NRG1: variants seen among roughly 807,000 people sequenced by gnomAD.
NRG1 encodes pro-neuregulin-1, membrane-bound isoform.
NRG1 carries 18 observed loss-of-function variants against 63.8 expected under a neutral mutation model. The observed-to-expected ratio is 0.28, with a 90% CI of 0.19 to 0.42. The LOEUF (loss-of-function observed/expected upper bound fraction) is 0.42, where lower values mean the gene tolerates loss of function less well. Ranked by LOEUF, NRG1 falls within the 10% of genes least tolerant of loss-of-function variation. The pLI, the probability that NRG1 is intolerant of heterozygous loss-of-function variation, is 1.00. For synonymous variants in NRG1, 302 were observed against 301.3 expected (o/e 1.00, Z -0.02); for missense variants, 762 against 814.7 (o/e 0.94, Z 0.79).
rs1337970936 is a variant in NRG1, at chr8:32,233,573, T to A, written c.38-362255T>A. ...TATATATATATATATATTTTTTTTT[T>A]TTTTTCTTTTGAAACGGTGTCTCAC... On this transcript the variant is annotated intron_variant, in intron 1 of 10. Transcript: ENST00000519301. Among the ~76,000 whole-genome samples, 141 of 128,916 alleles carry A rather than the reference T, an allele frequency of 1.1e-3. 1 individual carries two copies. Among genetic ancestry groups the A allele is most frequent in the African/African-American group, 3.7e-3 (129 of 34,496 alleles). The allele number at this position is 128,916 out of a possible 152,430, so 84.6% of individuals were successfully genotyped here.
chr8:32,760,684 G>C, intron 11 of NRG1: 7 of 1,228,294 alleles, frequency 5.7e-6, no homozygotes, highest in Non-Finnish European at 6.2e-6. Context: ...TTCCAGCTCT[G>C]GCCATGGGCT....
intron 1 of NRG1, among the ~76,000 whole-genome samples, chr8:32,344,602 A>ATTTTTTTTTTTTTT (rs61448713): frequency 1.1e-4 from 11 of 101,162 alleles, no homozygotes; most frequent in African/African-American, 1.3e-4. Flanking sequence ...ACACTCAGCT[A>ATTTTTTTTTTTTTT]TTTTTTTTTT....
At chr8:31,639,940 G>T in intron 1 of NRG1, 3 of 1,121,854 alleles carry the variant, frequency 2.7e-6, no homozygotes, top group African/African-American at 1.7e-5. Context: ...AGAGAGCCGG[G>T]CAGAGTCCGA....
chr8:32,151,752 G>A (rs779529137), intron 1 of NRG1, among the ~76,000 whole-genome samples: 6 of 152,180 alleles, frequency 3.9e-5, no homozygotes, highest in Non-Finnish European at 8.8e-5. Flanking sequence ...CAGATCTAGA[G>A]CCAAGCTGTA....
chr8:32,134,396 T>C (rs1411781112), intron 1 of NRG1, among the ~76,000 whole-genome samples: 2 of 152,142 alleles, frequency 1.3e-5, no homozygotes, highest in Non-Finnish European at 2.9e-5. Flanking sequence ...GGCCTCCAGA[T>C]GGCCAGATAC....
chr8:31,949,794 C>A (rs1375227460), intron 1 of NRG1, among the ~76,000 whole-genome samples: 1 of 152,104 alleles, frequency 6.6e-6, no homozygotes, highest in Non-Finnish European at 1.5e-5. Context: ...CATAAAATAC[C>A]CTGGATATCT....
chr8:32,316,626 G>T (rs554183332), intron 1 of NRG1, among the ~76,000 whole-genome samples: 13 of 152,042 alleles, frequency 8.6e-5, no homozygotes, highest in Non-Finnish European at 1.6e-4. Flanking sequence ...ACAGGTTATT[G>T]TTTATAAGAG....
intron 1 of NRG1, among the ~76,000 whole-genome samples, chr8:32,080,648 A>C (rs1305371229): frequency 6.6e-6 from 1 of 152,112 alleles, no homozygotes; most frequent in African/African-American, 2.4e-5. Flanking sequence ...CTGTAGCGGC[A>C]AAGTTCTGAG....
At chr8:32,276,700 C>G (rs1725426984) in intron 1 of NRG1, among the ~76,000 whole-genome samples, 1 of 152,112 alleles carries the variant, frequency 6.6e-6, no homozygotes, top group Admixed American at 6.6e-5. Flanking sequence ...GGAAGGTTCT[C>G]CCTGTGTTGA....
At chr8:31,766,854 T>C (rs1015276061) in intron 1 of NRG1, among the ~76,000 whole-genome samples, 11 of 152,200 alleles carry the variant, frequency 7.2e-5, no homozygotes, top group African/African-American at 2.7e-4. Flanking sequence ...ATCTTGCTCC[T>C]TGGAGCAGAA....
intron 1 of NRG1, among the ~76,000 whole-genome samples, chr8:32,592,104 G>A (rs1220524963): frequency 1.5e-5 from 2 of 135,890 alleles, no homozygotes; most frequent in East Asian, 2.0e-4. Context: ...CAAGGCTCCC[G>A]GTTTTTTTTT....
intron 1 of NRG1, among the ~76,000 whole-genome samples, chr8:31,958,808 A>T (rs1197053700): frequency 6.6e-6 from 1 of 152,202 alleles, no homozygotes; most frequent in African/African-American, 2.4e-5. Context: ...TATTCAATTT[A>T]TAACTCCTGA....
intron 1 of NRG1, among the ~76,000 whole-genome samples, chr8:32,008,907 T>C (rs1432531225): frequency 6.6e-6 from 1 of 152,084 alleles, no homozygotes; most frequent in African/African-American, 2.4e-5. Flanking sequence ...TGGGAAAATC[T>C]GCACATCACT....
chr8:32,280,842 C>T (rs1852711903), intron 1 of NRG1, among the ~76,000 whole-genome samples: 1 of 143,742 alleles, frequency 7.0e-6, no homozygotes, highest in Non-Finnish European at 1.5e-5. Context: ...TCACTGCAAC[C>T]TCCACCTCCT....
intron 1 of NRG1, among the ~76,000 whole-genome samples, chr8:32,159,349 A>C (rs1273417153): frequency 9.9e-5 from 15 of 151,056 alleles, no homozygotes; most frequent in Admixed American, 9.2e-4. Context: ...CCTGGCTAAC[A>C]AGGTGAAACC....
intron 1 of NRG1, among the ~76,000 whole-genome samples, chr8:31,778,402 CT>C (rs1186505859): frequency 2.6e-5 from 4 of 152,174 alleles, no homozygotes; most frequent in African/African-American, 9.7e-5. Context: ...GTTTCTTTTG[CT>C]TGTTAATTTT....
chr8:32,445,255 T>G (rs1457761034), intron 1 of NRG1, among the ~76,000 whole-genome samples: 2 of 152,222 alleles, frequency 1.3e-5, no homozygotes. Flanking sequence ...GTATAAATGC[T>G]ATAGAAAGTA....
chr8:32,258,173 C>A (rs900101), intron 1 of NRG1, among the ~76,000 whole-genome samples: 1 of 152,174 alleles, frequency 6.6e-6, no homozygotes, highest in Non-Finnish European at 1.5e-5. Flanking sequence ...CTGAAGGCTT[C>A]CTTATGCATT....
At position 32,001,758 on chromosome 8, in the gene NRG1, C is replaced by T. The variant is rs186566076; in HGVS notation, c.37+362327C>T. On this transcript the variant is annotated intron_variant, in intron 1 of 10. Transcript: ENST00000519301. Reference sequence around the variant, plus strand: ...GATGTTTTCCTAAGTACCAGACTGGCGTTCTAGGTTTAGTAAGGAAGTTCA... The same window carrying T: ...GATGTTTTCCTAAGTACCAGACTGGTGTTCTAGGTTTAGTAAGGAAGTTCA... 2.6e-5 allele frequency among the ~76,000 whole-genome samples: 4 copies of T among 152,044 alleles called. No individual in the cohort carries two copies. In the South Asian group the frequency reaches 6.2e-4, roughly 24 times the overall value.
Sources: gnomAD v4.1 joint callset for allele counts (sites outside exome capture counted in the v4.1 genomes callset) on GRCh38, gnomAD v4.1.1 for gene constraint, MANE v1.5 for transcripts, NCBI Gene and HGNC (gene_info 2026-07-23, HGNC 2026-07-21) for gene names.